RABEP1: variants seen among roughly 807,000 people sequenced by gnomAD.
RABEP1 encodes the protein rabaptin, RAB GTPase binding effector protein 1.
In RABEP1, 51 loss-of-function variants were observed where a neutral mutation model predicts 123.4. The observed-to-expected ratio is 0.41, with a 90% CI of 0.33 to 0.52. The LOEUF (loss-of-function observed/expected upper bound fraction) is 0.52. Among genes scored for constraint, RABEP1 ranks in the 20% least tolerant of loss-of-function variants. The probability of loss-of-function intolerance (pLI) is 0.16; values close to 1 mark genes in which losing one functional copy is unlikely to be tolerated. For missense variants in RABEP1, 888 were observed against 996.3 expected (o/e 0.89, Z 1.46); for synonymous variants, 347 against 355.2 (o/e 0.98, Z 0.26).
intron 11 of RABEP1, among the ~76,000 whole-genome samples, chr17:5,367,404 TG>T (rs1400806921): frequency 1.1e-3 from 165 of 151,408 alleles, no homozygotes; most frequent in Non-Finnish European, 2.0e-3. Flanking sequence ...CCTGAGTAGC[TG>T]GGACTACAGG....
chr17:5,320,879 A>T (rs1315582404), intron 2 of RABEP1, among the ~76,000 whole-genome samples: 1 of 152,236 alleles, frequency 6.6e-6, no homozygotes, highest in Admixed American at 6.5e-5. Context: ...ACCAGAAAAC[A>T]AGCAATAAAA....
intron 1 of RABEP1, among the ~76,000 whole-genome samples, chr17:5,300,533 C>G (rs1038414720): frequency 6.6e-6 from 1 of 152,124 alleles, no homozygotes; most frequent in Non-Finnish European, 1.5e-5. Context: ...GCGGGGGGAC[C>G]TTTCTATACT....
At chr17:5,363,618 A>G (rs1174547006) in intron 10 of RABEP1, among the ~76,000 whole-genome samples, 2 of 152,186 alleles carry the variant, frequency 1.3e-5, no homozygotes, top group Non-Finnish European at 2.9e-5. Context: ...CCTAAAAGTG[A>G]TTTTAAGTAC....
At chr17:5,331,443 T>C (rs751633459) in intron 2 of RABEP1, among the ~76,000 whole-genome samples, 13 of 152,170 alleles carry the variant, frequency 8.5e-5, no homozygotes, top group Non-Finnish European at 1.6e-4. Context: ...AGTAGGCACA[T>C]TACATCAACT....
intron 8 of RABEP1, 65 bp downstream of exon 8, chr17:5,354,555 A>G: frequency 6.9e-7 from 1 of 1,447,634 alleles, no homozygotes; most frequent in Admixed American, 2.1e-5. Context: ...TTACTCATAC[A>G]TCAGTTAATT....
Position 5,300,670 on chromosome 17 carries a change from G to T in RABEP1, c.35-8024G>T, listed in dbSNP as rs536908833. On this transcript the variant is annotated intron_variant, in intron 1 of 17. Coordinates refer to ENST00000537505, the MANE Select transcript of RABEP1 (RefSeq NM_004703.6). The stretch of plus-strand genomic sequence containing the variant: ...CTCTAACTCTTGTTAATTCCTTGTA[G>T]ATGTTTGTTATTATTGTTTAATCAT... Among the ~76,000 whole-genome samples, 36 of 152,284 alleles carry T rather than the reference G, an allele frequency of 2.4e-4. No individual in the cohort carries two copies. The South Asian group carries it at 7.5e-3, about 32-fold the overall frequency.
chr17:5,376,890 G>A (rs534426000), intron 13 of RABEP1, among the ~76,000 whole-genome samples: 1 of 152,242 alleles, frequency 6.6e-6, no homozygotes, highest in South Asian at 2.1e-4. Context: ...TGAGGGAAGA[G>A]TATGTGGCTT....
At chr17:5,308,487 A>G (rs1193170478) in intron 1 of RABEP1, among the ~76,000 whole-genome samples, 2 of 152,126 alleles carry the variant, frequency 1.3e-5, no homozygotes, top group Admixed American at 1.3e-4. Context: ...CGGCCTCCCA[A>G]AGTGCTGGGA....
Position 5,282,326 on chromosome 17 carries a change from GC to G in RABEP1, c.-158del. 2.0e-6 allele frequency: 1 copy of G among 490,242 alleles called. No homozygotes were observed. Among genetic ancestry groups the G allele is most frequent in the Non-Finnish European group, 3.3e-6 (1 of 305,880 alleles). 30.4% of individuals were successfully genotyped at this position (490,242 alleles called of 1,614,324 possible). ...GAGGTCGGCGGTCGGGTCCGTCTCT[GC>G]CCGCGGCTGTGGCGGCGCCGGCGGA... On this transcript the variant is annotated 5_prime_UTR_variant, in exon 1 of 18. It removes the in-frame stop codon of an upstream open reading frame in the 5' UTR. Coordinates refer to ENST00000537505, the MANE Select transcript of RABEP1 (RefSeq NM_004703.6).
At position 5,362,906 on chromosome 17, in the gene RABEP1, C is replaced by T. The variant is rs1909679851; in HGVS notation, c.1564-6C>T. ...CCTGATAAGAGGTAATTTTGGTGCC[C>T]TTCAGGTACATAATGCTGGAAATAA... On this transcript the variant is annotated splice_polypyrimidine_tract_variant and splice_region_variant and intron_variant, in intron 9 of 17. Coordinates refer to ENST00000537505, the MANE Select transcript of RABEP1 (RefSeq NM_004703.6). 1 of 1,604,768 alleles carries T rather than the reference C, an allele frequency of 6.2e-7. No individual in the cohort carries two copies.
At chr17:5,358,133 C>G (rs966971611) in intron 8 of RABEP1, among the ~76,000 whole-genome samples, 2 of 152,078 alleles carry the variant, frequency 1.3e-5, no homozygotes, top group African/African-American at 4.8e-5. Flanking sequence ...TAGAAATTAG[C>G]TAGTCCTGGG....
At chr17:5,338,294 G>C (rs1461226298) in intron 5 of RABEP1, 156 bp downstream of exon 5, 14 of 921,008 alleles carry the variant, frequency 1.5e-5, no homozygotes, top group Non-Finnish European at 1.9e-5. Flanking sequence ...GGGCGAGGTG[G>C]CTCACGCCTG....
intron 1 of RABEP1, among the ~76,000 whole-genome samples, chr17:5,291,599 G>A (rs1049306675): frequency 3.0e-4 from 45 of 152,038 alleles, no homozygotes; most frequent in African/African-American, 1.1e-3. Flanking sequence ...AAGTTTTTTT[G>A]TTTTGTTTTG....
At chr17:5,357,765 G>A (rs1034923889) in intron 8 of RABEP1, among the ~76,000 whole-genome samples, 13 of 152,162 alleles carry the variant, frequency 8.5e-5, no homozygotes, top group African/African-American at 1.2e-4. Flanking sequence ...AGTTCTCCTG[G>A]AAGCAGAGGT....
chr17:5,354,247 GT>G, intron 7 of RABEP1, 111 bp from the exon 8 acceptor site: 1 of 1,000,272 alleles, frequency 1.0e-6, no homozygotes, highest in Non-Finnish European at 1.4e-6. Flanking sequence ...TAAGTATCCA[GT>G]TTTCTCTTAT....
chr17:5,285,369 A>G (rs780284341), intron 1 of RABEP1, among the ~76,000 whole-genome samples: 1 of 151,490 alleles, frequency 6.6e-6, no homozygotes, highest in Non-Finnish European at 1.5e-5. Flanking sequence ...CCTGGGCTCA[A>G]GTGATTCTCC....
intron 13 of RABEP1, among the ~76,000 whole-genome samples, chr17:5,373,693 AACACACACACACAC>A (rs55736303): frequency 0.053 from 7,198 of 135,302 alleles, 608 homozygotes; most frequent in East Asian, 0.37. Flanking sequence ...ACACCAGCTA[AACACACACACACAC>A]ACACACACAC....
intron 2 of RABEP1, among the ~76,000 whole-genome samples, chr17:5,325,994 C>G (rs746056753): frequency 6.6e-6 from 1 of 151,996 alleles, no homozygotes; most frequent in Non-Finnish European, 1.5e-5. Context: ...ACTGCCGATA[C>G]CAAAAAATGC....
chr17:5,329,145 T>C (rs1906275088), intron 2 of RABEP1, among the ~76,000 whole-genome samples: 1 of 151,848 alleles, frequency 6.6e-6, no homozygotes, highest in Non-Finnish European at 1.5e-5. Flanking sequence ...ACTGTCCATA[T>C]TTTTAGAGAT....
Sources: allele counts gnomAD v4.1 joint callset (sites outside exome capture counted in the v4.1 genomes callset), GRCh38; gene constraint gnomAD v4.1.1; transcripts MANE v1.5; gene names NCBI Gene and HGNC (gene_info 2026-07-23, HGNC 2026-07-21).